The following TMEM201 variants were observed in gnomAD, a reference collection of about 807,000 sequenced individuals.
TMEM201 encodes RP13-15M17.2.
TMEM201 carries 26 observed loss-of-function variants against 63.4 expected under a neutral mutation model. The ratio of observed to expected loss-of-function variants is 0.41; its 90% CI spans 0.30 to 0.57. The LOEUF is 0.57. TMEM201 is among the 20% of genes least tolerant of loss of function. The probability of loss-of-function intolerance (pLI) is 0.29; values close to 1 mark genes in which losing one functional copy is unlikely to be tolerated. For synonymous variants in TMEM201, 417 were observed against 421.6 expected, an observed-to-expected ratio of 0.99 and a Z score of 0.14; for missense variants, 794 against 917.7, an observed-to-expected ratio of 0.87 and a Z score of 1.74.
chr1:9,605,152 TAA>T lies in TMEM201; in HGVS notation c.1161-2403_1161-2402del, dbSNP rs1644219648. ...CTGGATCATATTTTTTCCGTCTCAATAAACTGTTGCTTAAAACGTGGTCTCTC... is the reference window on the plus strand; with the variant it reads ...CTGGATCATATTTTTTCCGTCTCAATACTGTTGCTTAAAACGTGGTCTCTC... On this transcript the variant is annotated intron_variant, in intron 6 of 10. Coordinates refer to ENST00000340381, the MANE Select transcript of TMEM201 (RefSeq NM_001130924.3). The surrounding 1 kb of genome is among the most constrained non-coding windows in gnomAD (Gnocchi z 5.7). 6.6e-6 allele frequency among the ~76,000 whole-genome samples: 1 copy of T among 152,156 alleles called. No individual in the cohort carries two copies. Among genetic ancestry groups the T allele is most frequent in the African/African-American group, 2.4e-5 (1 of 41,416 alleles).
rs1178899948 is a variant in TMEM201 at position 9,596,005 on chromosome 1, C to T, written c.229C>T (p.Gln77Ter). The T allele has an allele frequency of 1.2e-6, 2 of 1,612,336 alleles. No individual in the cohort carries two copies. Among genetic ancestry groups the T allele is most frequent in the Non-Finnish European group, 1.7e-6 (2 of 1,179,968 alleles). ...CCACTGCGAGCAGTACAACGGCTTC[C>T]AGGAGGTGTGGGTCACAGGCAGGCG... ...CPHCEQYNGF[Q>*]ENGDYNKPIP... The change falls in exon 2 of 11, where the codon CAG becomes TAG. Residue 77 changes from glutamine to a stop codon, truncating the protein, a stop_gained. Transcript: ENST00000340381. LOFTEE classifies it high-confidence loss of function.
At position 9,611,853 on chromosome 1, in the gene TMEM201, C is replaced by T. The variant is rs1644328729; in HGVS notation, c.1866C>T (p.Thr622=). ...SQSSTCVVDT[T]TRGCSEEAAT... ...CATCTACCTGTGTGGTGGACACCAC[C>T]ACCAGGGGCTGCTCGGAGGAGGCCG... Residue 622 remains threonine (T), a synonymous_variant, in exon 10 of 11, where the codon ACC becomes ACT. Transcript: ENST00000340381. The T allele has an allele frequency of 1.9e-6, 3 of 1,550,542 alleles. No homozygotes were observed. The highest frequency in any genetic ancestry group is 1.7e-6 in the Non-Finnish European group (2 of 1,146,888).
Position 9,596,018 on chromosome 1 carries a change from T to G in TMEM201, c.234+8T>G. The G allele has an allele frequency of 6.2e-7, 1 of 1,611,670 alleles. No individual in the cohort carries two copies. The highest frequency in any genetic ancestry group is 1.1e-5 in the South Asian group (1 of 91,010). ...TACAACGGCTTCCAGGAGGTGTGGG[T>G]CACAGGCAGGCGGACGGGTGGGCAC... On this transcript the variant is annotated splice_region_variant and intron_variant, in intron 2 of 10. Coordinates refer to ENST00000340381, the MANE Select transcript of TMEM201 (RefSeq NM_001130924.3).
intron 3 of TMEM201, among the ~76,000 whole-genome samples, chr1:9,598,045 C>T (rs1235633549): frequency 6.6e-6 from 1 of 152,204 alleles, no homozygotes; most frequent in Admixed American, 6.5e-5. Flanking sequence ...AGCGGAAGGG[C>T]AAGCGCCACA....
rs1644212465 is a variant in TMEM201 at position 9,604,754 on chromosome 1, C to G, written c.1160+2482C>G. On this transcript the variant is annotated intron_variant, in intron 6 of 10. Coordinates refer to ENST00000340381, the MANE Select transcript of TMEM201 (RefSeq NM_001130924.3). This position sits in a 1 kb window ranked among gnomAD's most constrained non-coding sequence, Gnocchi z 4.1. ...GCCAGGACGCAGCCTCCACGCCGCA[C>G]CTGCCACATTCAGCCCTGCCCAGGA... 1.0e-6 allele frequency: 1 copy of G among 986,032 alleles called. No individual in the cohort carries two copies. Among genetic ancestry groups the G allele is most frequent in the Non-Finnish European group, 1.2e-6 (1 of 830,034 alleles). 61.1% of individuals were successfully genotyped at this position (986,032 alleles called of 1,614,324 possible).
rs1406426751 is a variant in TMEM201, at chr1:9,588,947, C to G, written c.17C>G (p.Ala6Gly). 3.9e-6 allele frequency: 5 copies of G among 1,276,146 alleles called. No homozygotes were observed. Among genetic ancestry groups the G allele is most frequent in the Non-Finnish European group, 5.0e-6 (5 of 992,536 alleles). 79.1% of individuals were successfully genotyped at this position (1,276,146 alleles called of 1,614,324 possible). The change falls in exon 1 of 11, where the codon GCG becomes GGG. Residue 6 changes from alanine (A) to glycine (G), a missense_variant. Transcript: ENST00000340381. MEGVSALLARCPTAGL... is the reference protein window; with the variant it reads MEGVSGLLARCPTAGL... Reference sequence around the variant, plus strand: ...CGGAGAGCCATGGAGGGAGTGAGCGCGCTGCTGGCCCGCTGCCCCACGGCC... The same window carrying G: ...CGGAGAGCCATGGAGGGAGTGAGCGGGCTGCTGGCCCGCTGCCCCACGGCC...
chr1:9,603,636 T>A lies in TMEM201; in HGVS notation c.1160+1364T>A, dbSNP rs1644189629. ...CACAGGTGCATGAGGGTTACACCCG[T>A]CACCTGGGTCTGCCGGGATGGGTTG... On this transcript the variant is annotated intron_variant, in intron 6 of 10. Transcript: ENST00000340381. This position sits in a 1 kb window ranked among gnomAD's most constrained non-coding sequence, Gnocchi z 4.5. 4.1e-6 allele frequency: 4 copies of A among 985,290 alleles called. No homozygotes were observed. The Admixed American group carries it at 2.5e-4, about 61-fold the overall frequency. 61.0% of individuals were successfully genotyped at this position (985,290 alleles called of 1,614,324 possible). A position where few individuals can be genotyped will look rare whatever the true frequency, so the allele number is the denominator to read the frequency against.
rs753117245 is a variant in TMEM201 at position 9,601,147 on chromosome 1, C to T, written c.649C>T (p.Leu217Phe). The T allele has an allele frequency of 3.7e-6, 6 of 1,606,992 alleles. No individual in the cohort carries two copies. In the South Asian group the frequency reaches 5.5e-5, roughly 15 times the overall value. ...AVKSPVQVILLRALAFLACAF... is the reference protein window; with the variant it reads ...AVKSPVQVILFRALAFLACAF... ...GAAGTCCCCGGTCCAGGTCATCCTGCTCCGTGCCCTCGCCTTCCTGGCCTG... is the reference window on the plus strand; with the variant it reads ...GAAGTCCCCGGTCCAGGTCATCCTGTTCCGTGCCCTCGCCTTCCTGGCCTG... Residue 217 changes from leucine to phenylalanine, a missense_variant, in exon 5 of 11, where the codon CTC becomes TTC. Physicochemically the swap from Leu to Phe is conservative, Grantham distance 22. Coordinates refer to ENST00000340381, the MANE Select transcript of TMEM201 (RefSeq NM_001130924.3).
intron 7 of TMEM201, among the ~76,000 whole-genome samples, chr1:9,609,538 T>G (rs1488669559): frequency 2.0e-5 from 3 of 152,182 alleles, no homozygotes; most frequent in African/African-American, 7.2e-5. Context: ...CACCACCTGC[T>G]GTGAGCCTCA....
chr1:9,591,630 G>A (rs977341486), intron 1 of TMEM201, among the ~76,000 whole-genome samples: 2 of 152,242 alleles, frequency 1.3e-5, no homozygotes, highest in Non-Finnish European at 2.9e-5. Flanking sequence ...CCCCGCCTCC[G>A]GGGCTTTGTT....
intron 3 of TMEM201, 90 bp downstream of exon 3, chr1:9,597,143 TG>T: frequency 7.0e-7 from 1 of 1,421,362 alleles, no homozygotes; most frequent in Non-Finnish European, 9.4e-7. Flanking sequence ...GTGCTGACTC[TG>T]GTCCTCTGGC....
chr1:9,610,626 G>A lies in TMEM201; in HGVS notation c.1586G>A (p.Ser529Asn). The A allele has an allele frequency of 1.3e-6, 2 of 1,550,640 alleles. No individual in the cohort carries two copies. The highest frequency in any genetic ancestry group is 1.7e-6 in the Non-Finnish European group (2 of 1,146,916). The change falls in exon 9 of 11, where the codon AGC (serine) becomes AAC (asparagine). Residue 529 changes from serine (S) to asparagine (N), a missense_variant. Physicochemically the swap from Ser to Asn is conservative, Grantham distance 46. Coordinates refer to ENST00000340381, the MANE Select transcript of TMEM201 (RefSeq NM_001130924.3). The surrounding 1 kb of genome is among the most constrained non-coding windows in gnomAD (Gnocchi z 4.9). ...GSLRHRRPLI[S>N]PARLNLKGQK... Reference sequence around the variant, plus strand: ...CTGCGCCACCGCAGGCCCCTCATCAGCCCTGCCCGGCTCAACCTGAAGGGA... The same window carrying A: ...CTGCGCCACCGCAGGCCCCTCATCAACCCTGCCCGGCTCAACCTGAAGGGA...
intron 3 of TMEM201, among the ~76,000 whole-genome samples, chr1:9,597,407 G>A (rs1030002182): frequency 6.6e-6 from 1 of 152,214 alleles, no homozygotes; most frequent in Non-Finnish European, 1.5e-5. Flanking sequence ...TTCCAGGTGG[G>A]GCCCTGTTGG....
In TMEM201 at chr1:9,604,277, G is replaced by A. The variant is rs1363361399; in HGVS notation, c.1160+2005G>A. 3 of 985,402 alleles carry A rather than the reference G, an allele frequency of 3.0e-6. No homozygotes were observed. Among genetic ancestry groups the A allele is most frequent in the African/African-American group, 1.7e-5 (1 of 57,356 alleles). The allele number at this position is 985,402 out of a possible 1,614,324, so 61.0% of individuals were successfully genotyped here. On this transcript the variant is annotated intron_variant, in intron 6 of 10. Coordinates refer to ENST00000340381, the MANE Select transcript of TMEM201 (RefSeq NM_001130924.3). This position sits in a 1 kb window ranked among gnomAD's most constrained non-coding sequence, Gnocchi z 4.1. The stretch of plus-strand genomic sequence containing the variant: ...TATAATAACCAGAGCCAGCCCTCGC[G>A]CTGGCCAGGATCCTCCTGCCGAGCT...
chr1:9,595,836 C>T (rs958877789), intron 1 of TMEM201, 54 bp from the exon 2 acceptor site: 2 of 1,607,230 alleles, frequency 1.2e-6, no homozygotes, highest in African/African-American at 2.7e-5. Context: ...GGAGGTCCCT[C>T]TCCAGCAGGT....
chr1:9,602,312 G>A, intron 6 of TMEM201, 40 bp downstream of exon 6: 1 of 1,603,536 alleles, frequency 6.2e-7, no homozygotes, highest in Non-Finnish European at 8.5e-7. Context: ...AGGACACACG[G>A]ATGCTCAGGC....
chr1:9,593,580 A>G (rs1397527678), intron 1 of TMEM201, among the ~76,000 whole-genome samples: 1 of 152,150 alleles, frequency 6.6e-6, no homozygotes, highest in African/African-American at 2.4e-5. Flanking sequence ...ATTCTAGATC[A>G]GTGGAGCCAT....
chr1:9,598,587 C>A lies in TMEM201; in HGVS notation c.568C>A (p.Gln190Lys). The change falls in exon 4 of 11, where the codon CAG (glutamine) becomes AAG (lysine). Residue 190 changes from glutamine to lysine, a missense_variant. Gln to Lys is a moderately conservative substitution (Grantham distance 53). Transcript: ENST00000340381. Reference sequence around the variant, plus strand: ...GCTGCGCGCCCTGTTGCTCAGCCACCAGTTCAAGCGCCGGGAGGCCGACCA... The same window carrying A: ...GCTGCGCGCCCTGTTGCTCAGCCACAAGTTCAAGCGCCGGGAGGCCGACCA... ...RQLRALLLSH[Q>K]FKRREADQTH... 1.2e-6 allele frequency: 2 copies of A among 1,613,506 alleles called. No individual in the cohort carries two copies. The highest frequency in any genetic ancestry group is 1.7e-6 in the Non-Finnish European group (2 of 1,180,002).
chr1:9,613,383 G>A lies in TMEM201; in HGVS notation c.*300G>A. On this transcript the variant is annotated 3_prime_UTR_variant, in exon 11 of 11. Transcript: ENST00000340381. ...CCCCAAGGGGCTGCATGACCCTGGG[G>A]TGCCCCACACAGTTCAGCCCTGCCT... 2.0e-6 allele frequency: 1 copy of A among 494,556 alleles called. No homozygotes were observed. The allele number at this position is 494,556 out of a possible 1,614,324, so 30.6% of individuals were successfully genotyped here. A position where few individuals can be genotyped will look rare whatever the true frequency, so the allele number is the denominator to read the frequency against.
Sources: gnomAD v4.1 joint callset for allele counts (sites outside exome capture counted in the v4.1 genomes callset) on GRCh38, gnomAD v4.1.1 for gene constraint, Gnocchi (gnomAD v3.1) non-coding constraint, MANE v1.5 for transcripts, NCBI Gene and HGNC (gene_info 2026-07-23, HGNC 2026-07-21) for gene names.